PPM1H: variants seen among roughly 807,000 people sequenced by gnomAD.
The protein encoded by PPM1H is protein phosphatase, Mg2+/Mn2+ dependent 1H, also known as protein phosphatase 1H.
A neutral mutation model predicts 54.9 loss-of-function variants in PPM1H; 27 were observed. That is an observed-to-expected ratio of 0.49 (90% CI 0.36 to 0.68). The LOEUF is 0.68. Ranked by LOEUF, PPM1H falls within the 30% of genes least tolerant of loss-of-function variation. The probability of loss-of-function intolerance (pLI) is 0.00; values close to 1 mark genes in which losing one functional copy is unlikely to be tolerated. For synonymous variants in PPM1H, 305 were observed against 270.8 expected, an observed-to-expected ratio of 1.13 and a Z score of -1.24; for missense variants, 596 against 667.8, an observed-to-expected ratio of 0.89 and a Z score of 1.19.
At chr12:62,842,599 C>T (rs1337061005) in intron 1 of PPM1H, among the ~76,000 whole-genome samples, 1 of 152,124 alleles carries the variant, frequency 6.6e-6, no homozygotes, top group Non-Finnish European at 1.5e-5. Context: ...CTATCTAGGC[C>T]TCTGGTATTT....
At chr12:62,733,054 T>C (rs915752300) in intron 5 of PPM1H, among the ~76,000 whole-genome samples, 6 of 152,176 alleles carry the variant, frequency 3.9e-5, no homozygotes, top group Admixed American at 1.3e-4. Flanking sequence ...TATATTACCA[T>C]GCAGTTACTT....
rs2075772659 is a variant in PPM1H at position 62,644,064 on chromosome 12, C to T, written c.*4425G>A. On this transcript the variant is annotated 3_prime_UTR_variant, in exon 10 of 10. Coordinates refer to ENST00000228705, the MANE Select transcript of PPM1H (RefSeq NM_020700.2). ...AACATATACATTTCTTTAGCTTTTT[C>T]CAGGGGACATTGCACCTAAGTTTCA... 6.6e-6 allele frequency: 1 copy of T among 152,066 alleles called. No individual in the cohort carries two copies. The highest frequency in any genetic ancestry group is 2.1e-4 in the South Asian group (1 of 4,822). 9.4% of individuals were successfully genotyped at this position (152,066 alleles called of 1,614,324 possible). A position where few individuals can be genotyped will look rare whatever the true frequency, so the allele number is the denominator to read the frequency against.
intron 1 of PPM1H, among the ~76,000 whole-genome samples, chr12:62,846,604 G>T (rs776626402): frequency 6.7e-6 from 1 of 148,676 alleles, no homozygotes; most frequent in African/African-American, 2.5e-5. Context: ...TGGTCTCCTC[G>T]CACCCCCTCA....
chr12:62,677,963 G>A (rs1352279484), intron 8 of PPM1H, among the ~76,000 whole-genome samples: 2 of 152,090 alleles, frequency 1.3e-5, no homozygotes, highest in African/African-American at 2.4e-5. Flanking sequence ...CAAAGACAGG[G>A]TCTTGCTCTG....
chr12:62,810,666 G>T (rs11174659), intron 2 of PPM1H, among the ~76,000 whole-genome samples: 4 of 152,122 alleles, frequency 2.6e-5, no homozygotes, highest in African/African-American at 7.2e-5. Context: ...ATTTACTTAC[G>T]CATTCTCAAA....
intron 1 of PPM1H, among the ~76,000 whole-genome samples, chr12:62,843,066 A>G (rs1175111948): frequency 3.9e-5 from 6 of 152,226 alleles, no homozygotes; most frequent in African/African-American, 1.4e-4. Context: ...TTGTAATTCC[A>G]GCACTTTGGG....
At chr12:62,930,180 A>G (rs1453351705) in intron 1 of PPM1H, among the ~76,000 whole-genome samples, 1 of 152,198 alleles carries the variant, frequency 6.6e-6, no homozygotes, top group Non-Finnish European at 1.5e-5. Flanking sequence ...ACAAATCCAA[A>G]TACCTGTAGG....
chr12:62,693,127 C>G (rs895123184), intron 7 of PPM1H, among the ~76,000 whole-genome samples: 1 of 152,132 alleles, frequency 6.6e-6, no homozygotes, highest in South Asian at 2.1e-4. Flanking sequence ...ATTAGTGTTC[C>G]GAGGAAGAAT....
intron 2 of PPM1H, among the ~76,000 whole-genome samples, chr12:62,804,676 C>CTTTTT (rs759291510): frequency 8.6e-6 from 1 of 116,194 alleles, no homozygotes; most frequent in Non-Finnish European, 1.8e-5. Flanking sequence ...CTTTTTTTTT[C>CTTTTT]TTTTTTTTTT....
At chr12:62,674,872 G>C (rs1403574331) in intron 8 of PPM1H, among the ~76,000 whole-genome samples, 1 of 152,194 alleles carries the variant, frequency 6.6e-6, no homozygotes, top group Non-Finnish European at 1.5e-5. Context: ...CCTGGGGAGT[G>C]GGGAGGGTGA....
chr12:62,904,514 A>G (rs1427546254), intron 1 of PPM1H, among the ~76,000 whole-genome samples: 2 of 152,202 alleles, frequency 1.3e-5, no homozygotes, highest in African/African-American at 4.8e-5. Context: ...ATATTTTCTT[A>G]CAATGCTGCA....
At chr12:62,745,460 T>G (rs1005771523) in intron 4 of PPM1H, among the ~76,000 whole-genome samples, 4 of 152,234 alleles carry the variant, frequency 2.6e-5, no homozygotes, top group Admixed American at 1.3e-4. Flanking sequence ...GATTTGGCTA[T>G]GCAGTCACAG....
intron 4 of PPM1H, among the ~76,000 whole-genome samples, chr12:62,762,067 A>G (rs530617746): frequency 1.3e-5 from 2 of 152,316 alleles, no homozygotes; most frequent in East Asian, 1.9e-4. Flanking sequence ...CTGTGTGCCA[A>G]CAACTTGGGA....
chr12:62,838,339 G>C (rs570885512), intron 1 of PPM1H, among the ~76,000 whole-genome samples: 13 of 80,112 alleles, frequency 1.6e-4, no homozygotes, highest in Non-Finnish European at 2.4e-4. Flanking sequence ...GTGTGTGTGT[G>C]GGGGGGGGGA....
intron 4 of PPM1H, among the ~76,000 whole-genome samples, chr12:62,775,707 C>T (rs2076606356): frequency 6.6e-6 from 1 of 152,200 alleles, no homozygotes; most frequent in Non-Finnish European, 1.5e-5. Flanking sequence ...ATGGCCATTG[C>T]CATGGTCACT....
chr12:62,695,278 G>A (rs1161607351), intron 6 of PPM1H, among the ~76,000 whole-genome samples: 2 of 152,168 alleles, frequency 1.3e-5, no homozygotes, highest in Admixed American at 1.3e-4. Context: ...TGCCTGAGCT[G>A]GAGTTCAGCA....
rs1261039625 is a variant in PPM1H at position 62,646,206 on chromosome 12, G to T, written c.*2283C>A. 6.6e-6 allele frequency: 1 copy of T among 152,154 alleles called. No individual in the cohort carries two copies. Among genetic ancestry groups the T allele is most frequent in the Non-Finnish European group, 1.5e-5 (1 of 68,040 alleles). 9.4% of individuals were successfully genotyped at this position (152,154 alleles called of 1,614,324 possible). On this transcript the variant is annotated 3_prime_UTR_variant, in exon 10 of 10. Coordinates refer to ENST00000228705, the MANE Select transcript of PPM1H (RefSeq NM_020700.2). The stretch of plus-strand genomic sequence containing the variant: ...AAAACCAGCAGGACTAAGTGCTCAA[G>T]ATTTTATAATATTTCGATTTAGAGG...
chr12:62,801,432 C>T (rs1380211348), intron 3 of PPM1H, among the ~76,000 whole-genome samples: 4 of 152,168 alleles, frequency 2.6e-5, no homozygotes, highest in South Asian at 2.1e-4. Flanking sequence ...ATTCTCCCAC[C>T]TCAGCCTCCC....
At chr12:62,731,309 G>C (rs925585762) in intron 5 of PPM1H, among the ~76,000 whole-genome samples, 2 of 152,132 alleles carry the variant, frequency 1.3e-5, no homozygotes, top group Non-Finnish European at 1.5e-5. Context: ...GCAAAACACG[G>C]AGATATTGAA....
Sources: gnomAD v4.1 joint callset for allele counts (sites outside exome capture counted in the v4.1 genomes callset) on GRCh38, gnomAD v4.1.1 for gene constraint, MANE v1.5 for transcripts, NCBI Gene and HGNC (gene_info 2026-07-23, HGNC 2026-07-21) for gene names.